The following CDH12 variants were observed in gnomAD, a reference collection of about 807,000 sequenced individuals.
CDH12 encodes the protein cadherin-12.
A neutral mutation model predicts 74.1 loss-of-function variants in CDH12; 41 were observed. That is an observed-to-expected ratio of 0.55 (90% CI 0.43 to 0.72). The LOEUF is 0.72. Among genes scored for constraint, CDH12 ranks in the 30% least tolerant of loss-of-function variants. CDH12 has a pLI of 0.00. For missense variants in CDH12, 945 were observed against 977.2 expected (o/e 0.97, Z 0.44); for synonymous variants, 399 against 355.0 (o/e 1.12, Z -1.39).
intron 4 of CDH12, among the ~76,000 whole-genome samples, chr5:22,181,333 C>A (rs1458799575): frequency 1.3e-5 from 2 of 152,098 alleles, no homozygotes; most frequent in African/African-American, 4.8e-5. Context: ...CTTCCCTCTC[C>A]TTTATCACAT....
intron 3 of CDH12, among the ~76,000 whole-genome samples, chr5:22,318,196 T>C (rs1738713009): frequency 6.6e-6 from 1 of 152,204 alleles, no homozygotes; most frequent in African/African-American, 2.4e-5. Flanking sequence ...TAAGTTTCAT[T>C]AGCCAGTGGG....
chr5:22,580,242 C>A, intron 1 of CDH12: 1 of 330,714 alleles, frequency 3.0e-6, no homozygotes, highest in Non-Finnish European at 6.1e-6. Context: ...CTAACATCTC[C>A]AAGCTTCATG....
intron 5 of CDH12, among the ~76,000 whole-genome samples, chr5:22,051,193 T>C (rs1740336605): frequency 1.3e-5 from 2 of 152,004 alleles, no homozygotes; most frequent in African/African-American, 4.8e-5. Context: ...CACCGGGAGA[T>C]GGAATCCCCC....
chr5:22,194,268 T>C (rs2150348982), intron 4 of CDH12, among the ~76,000 whole-genome samples: 1 of 151,986 alleles, frequency 6.6e-6, no homozygotes, highest in Admixed American at 6.5e-5. Flanking sequence ...TTATGTAACC[T>C]ACCTCCCCCA....
intron 3 of CDH12, among the ~76,000 whole-genome samples, chr5:22,369,801 T>C (rs1052476063): frequency 8.5e-5 from 13 of 152,214 alleles, no homozygotes; most frequent in African/African-American, 3.1e-4. Context: ...GTGCTATTTT[T>C]AAACACTCAA....
At chr5:21,978,938 AG>A (rs1369774120) in intron 5 of CDH12, among the ~76,000 whole-genome samples, 6 of 149,568 alleles carry the variant, frequency 4.0e-5, no homozygotes, top group African/African-American at 1.3e-4. Flanking sequence ...AATGGGATTC[AG>A]GCTTTGCTTA....
intron 3 of CDH12, among the ~76,000 whole-genome samples, chr5:22,380,013 C>A (rs1480956672): frequency 6.6e-6 from 1 of 152,172 alleles, no homozygotes; most frequent in Non-Finnish European, 1.5e-5. Context: ...CCTGCCTTGG[C>A]CTCCCAAAGT....
chr5:22,760,963 A>C (rs1407491839), intron 1 of CDH12, among the ~76,000 whole-genome samples: 1 of 152,182 alleles, frequency 6.6e-6, no homozygotes, highest in East Asian at 1.9e-4. Flanking sequence ...ATTAAATTTT[A>C]AAATACTCTC....
intron 2 of CDH12, among the ~76,000 whole-genome samples, chr5:22,466,106 C>T (rs1745717920): frequency 6.6e-6 from 1 of 152,130 alleles, no homozygotes; most frequent in South Asian, 2.1e-4. Context: ...CTTACTTTTT[C>T]TCTAACCTGC....
chr5:21,889,540 C>A, intron 6 of CDH12: 1 of 962,052 alleles, frequency 1.0e-6, no homozygotes, highest in East Asian at 1.1e-4. Context: ...AAGCTAGACT[C>A]CTGAAGCTGT....
chr5:22,804,307 T>C (rs1455220786), intron 1 of CDH12, among the ~76,000 whole-genome samples: 4 of 152,214 alleles, frequency 2.6e-5, no homozygotes, highest in African/African-American at 9.7e-5. Flanking sequence ...ATTAATAATG[T>C]TCCAAAGTTT....
At chr5:22,212,337 T>A (rs1479253062) in intron 4 of CDH12, 161 bp downstream of exon 4, 1 of 187,592 alleles carries the variant, frequency 5.3e-6, no homozygotes, top group East Asian at 1.9e-4. Context: ...CCCTGAGATA[T>A]CATTATCTCC....
chr5:22,163,021 T>C (rs1748457568), intron 4 of CDH12, among the ~76,000 whole-genome samples: 1 of 151,420 alleles, frequency 6.6e-6, no homozygotes, highest in South Asian at 2.1e-4. Context: ...CTCAGCCTCC[T>C]GAGTAGCTGG....
intron 2 of CDH12, among the ~76,000 whole-genome samples, chr5:22,466,937 TGCC>T (rs1411684914): frequency 6.6e-6 from 1 of 151,682 alleles, no homozygotes; most frequent in Non-Finnish European, 1.5e-5. Context: ...TACAGGCACG[TGCC>T]GCCAAGGCCT....
intron 2 of CDH12, among the ~76,000 whole-genome samples, chr5:22,434,521 C>T (rs1008770828): frequency 1.3e-5 from 2 of 152,024 alleles, no homozygotes; most frequent in Admixed American, 1.3e-4. Flanking sequence ...CACCATGTCA[C>T]TCCAAAATGA....
intron 1 of CDH12, among the ~76,000 whole-genome samples, chr5:22,666,498 G>A (rs1490320902): frequency 6.6e-6 from 1 of 151,810 alleles, no homozygotes; most frequent in Non-Finnish European, 1.5e-5. Context: ...CACCGTGTTA[G>A]CCAGGGTGGT....
At chr5:22,609,064 G>T (rs1303525526) in intron 1 of CDH12, among the ~76,000 whole-genome samples, 3 of 152,136 alleles carry the variant, frequency 2.0e-5, no homozygotes, top group Non-Finnish European at 2.9e-5. Flanking sequence ...TTGTGTGCAT[G>T]CATGTGTTGA....
At chr5:22,341,468 T>C (rs2150455211) in intron 3 of CDH12, among the ~76,000 whole-genome samples, 1 of 152,310 alleles carries the variant, frequency 6.6e-6, no homozygotes, top group East Asian at 1.9e-4. Flanking sequence ...GGGGTTGTGC[T>C]GGGCATAAAA....
chr5:21,842,259 G>C lies in CDH12; in HGVS notation c.716C>G (p.Ala239Gly). The C allele has an allele frequency of 6.2e-7, 1 of 1,613,242 alleles. No individual in the cohort carries two copies. Among genetic ancestry groups the C allele is most frequent in the Non-Finnish European group, 8.5e-7 (1 of 1,179,418 alleles). ...TCCAAGCTGTCCTCCCATATCCTTG[G>C]CTTGGATGAGTACTTGATATTGTTC... ...VKEQYQVLIQAKDMGGQLGGL... is the reference protein window; with the variant it reads ...VKEQYQVLIQGKDMGGQLGGL... The change falls in exon 8 of 15, where the codon GCC (alanine) becomes GGC (glycine). Residue 239 changes from alanine to glycine, a missense_variant. Transcript: ENST00000382254.
Sources: gnomAD v4.1 joint callset for allele counts (sites outside exome capture counted in the v4.1 genomes callset) on GRCh38, gnomAD v4.1.1 for gene constraint, MANE v1.5 for transcripts, NCBI Gene and HGNC (gene_info 2026-07-23, HGNC 2026-07-21) for gene names.